Variants in FAT4 observed in about 807,000 individuals in gnomAD.
FAT4 encodes FAT atypical cadherin 4, also known as protocadherin Fat 4.
Under a neutral mutation model 303.9 loss-of-function variants are expected in FAT4, and 84 were observed. That is an observed-to-expected ratio of 0.28 (90% CI 0.23 to 0.33). FAT4 has a LOEUF of 0.33. FAT4 is among the 10% of genes least tolerant of loss of function. The probability of loss-of-function intolerance (pLI) is 1.00; values close to 1 mark genes in which losing one functional copy is unlikely to be tolerated. For synonymous variants in FAT4, 2,307 were observed against 2,298.8 expected (o/e 1.00, Z -0.10); for missense variants, 6,005 against 6,146.8 (o/e 0.98, Z 0.77).
chr4:125,465,051 GACAA>G (rs1726614631), intron 11 of FAT4, among the ~76,000 whole-genome samples: 1 of 152,040 alleles, frequency 6.6e-6, no homozygotes, highest in African/African-American at 2.4e-5. Flanking sequence ...GAATGATAAA[GACAA>G]ACAAAATAGA....
In FAT4 at chr4:125,320,206, T is replaced by G; in HGVS notation, c.3795T>G (p.Gly1265=). 1 of 1,613,760 alleles carries G rather than the reference T, an allele frequency of 6.2e-7. No individual in the cohort carries two copies. Among genetic ancestry groups the G allele is most frequent in the Admixed American group, 1.7e-5 (1 of 60,026 alleles). The change falls in exon 2 of 18, where the codon GGT becomes GGG. Residue 1265 remains glycine, a synonymous_variant. Transcript: ENST00000394329. ...ERQFAIDSTS[G]QVTLIGKLDY... ...AGTTTGCTATAGACAGTACCTCTGG[T>G]CAGGTAACACTAATTGGCAAATTAG...
intron 12 of FAT4, among the ~76,000 whole-genome samples, chr4:125,469,713 A>G (rs911360578): frequency 6.6e-6 from 1 of 152,184 alleles, no homozygotes; most frequent in Admixed American, 6.5e-5. Flanking sequence ...TTCAAATTCT[A>G]GTTCTCCCAC....
chr4:125,401,256 C>G (rs1412478699), intron 3 of FAT4, among the ~76,000 whole-genome samples: 1 of 151,998 alleles, frequency 6.6e-6, no homozygotes, highest in Admixed American at 6.6e-5. Flanking sequence ...AGTAGAATGG[C>G]TGCCTATGGC....
chr4:125,420,134 T>C (rs1439048104), intron 7 of FAT4, among the ~76,000 whole-genome samples: 2 of 152,208 alleles, frequency 1.3e-5, no homozygotes, highest in Admixed American at 1.3e-4. Context: ...GTTTGCCCTT[T>C]CCCTTTTCCC....
At chr4:125,481,213 A>G (rs1286430785) in intron 15 of FAT4, among the ~76,000 whole-genome samples, 1 of 152,208 alleles carries the variant, frequency 6.6e-6, no homozygotes, top group Non-Finnish European at 1.5e-5. Context: ...CATATTACCA[A>G]CAAGTGCCTG....
rs1357034003 is a variant in FAT4 at position 125,490,121 on chromosome 4, C to T, written c.13305C>T (p.His4435=). ...RCVPPGDCAS[H]PCQNGGSCEP... is the part of the protein sequence containing the mutation. ...TCCCTCCTGGGGACTGTGCCTCCCA[C>T]CCGTGCCAGAATGGTGGCAGCTGTG... Residue 4435 remains histidine (H), a synonymous_variant, in exon 18 of 18, where the codon CAC becomes CAT. Coordinates refer to ENST00000394329, the MANE Select transcript of FAT4 (RefSeq NM_001291303.3). The T allele has an allele frequency of 6.2e-7, 1 of 1,614,066 alleles. No individual in the cohort carries two copies. The highest frequency in any genetic ancestry group is 8.5e-7 in the Non-Finnish European group (1 of 1,180,010).
intron 8 of FAT4, among the ~76,000 whole-genome samples, chr4:125,443,540 G>A (rs954785708): frequency 1.3e-5 from 2 of 152,102 alleles, no homozygotes; most frequent in Non-Finnish European, 2.9e-5. Flanking sequence ...AACTACTTTA[G>A]TCTCTGTTAG....
chr4:125,377,073 T>C (rs1426424972), intron 2 of FAT4, among the ~76,000 whole-genome samples: 1 of 152,152 alleles, frequency 6.6e-6, no homozygotes, highest in African/African-American at 2.4e-5. Flanking sequence ...TTTGTGTTTT[T>C]CTTCTTCTAA....
intron 6 of FAT4, 46 bp from the exon 7 acceptor site, chr4:125,416,402 A>G: frequency 6.8e-7 from 1 of 1,479,978 alleles, no homozygotes; most frequent in Non-Finnish European, 9.1e-7. Context: ...ATTTCATGAG[A>G]TGCATTGTTT....
chr4:125,425,276 T>A lies in FAT4; in HGVS notation c.7018+8654T>A, dbSNP rs1339213861. Among the ~76,000 whole-genome samples the A allele has an allele frequency of 2.6e-5, 4 of 152,242 alleles. No individual in the cohort carries two copies. In the South Asian group the frequency reaches 8.3e-4, roughly 32 times the overall value. On this transcript the variant is annotated intron_variant, in intron 7 of 17. Transcript: ENST00000394329. ...ATTTGTGTTATAAAAACTAAACAAC[T>A]TGTACTGCCCATTCAGCTGTTTGTC... is the stretch of plus-strand genomic sequence containing the variant.
At chr4:125,380,485 T>A (rs1023079051) in intron 2 of FAT4, among the ~76,000 whole-genome samples, 2 of 152,190 alleles carry the variant, frequency 1.3e-5, no homozygotes, top group African/African-American at 4.8e-5. Flanking sequence ...CATACAATAT[T>A]AAAAACCGTC....
chr4:125,473,882 A>G (rs1215538415), intron 12 of FAT4, among the ~76,000 whole-genome samples: 2 of 152,038 alleles, frequency 1.3e-5, no homozygotes, highest in Non-Finnish European at 2.9e-5. Flanking sequence ...GTCATAGGAA[A>G]AATGTCTTCC....
At chr4:125,453,954 ATTAG>A (rs912438617) in intron 10 of FAT4, among the ~76,000 whole-genome samples, 10 of 152,170 alleles carry the variant, frequency 6.6e-5, no homozygotes, top group African/African-American at 2.2e-4. Flanking sequence ...CAACCTATCT[ATTAG>A]TTAATCAGTG....
chr4:125,359,300 G>T (rs1732557437), intron 2 of FAT4, among the ~76,000 whole-genome samples: 1 of 152,114 alleles, frequency 6.6e-6, no homozygotes, highest in African/African-American at 2.4e-5. Flanking sequence ...CTGGAATTAG[G>T]TGGTTAAGTA....
intron 17 of FAT4, among the ~76,000 whole-genome samples, chr4:125,489,329 T>C (rs1163402644): frequency 6.6e-6 from 1 of 152,184 alleles, no homozygotes; most frequent in African/African-American, 2.4e-5. Flanking sequence ...CATCCCCAAG[T>C]CATAAAATGT....
At chr4:125,384,839 A>G (rs1011103530) in intron 2 of FAT4, among the ~76,000 whole-genome samples, 2 of 151,908 alleles carry the variant, frequency 1.3e-5, no homozygotes, top group Admixed American at 1.3e-4. Flanking sequence ...AGCTCTAGTA[A>G]GATATCAATG....
At chr4:125,446,271 C>A in intron 8 of FAT4, 22 bp from the exon 9 acceptor site, 1 of 1,603,008 alleles carries the variant, frequency 6.2e-7, no homozygotes, top group South Asian at 1.1e-5. Context: ...TGACATATCC[C>A]TATTTCTGCT....
chr4:125,403,217 T>C (rs1734456945), intron 3 of FAT4, among the ~76,000 whole-genome samples: 2 of 152,106 alleles, frequency 1.3e-5, no homozygotes, highest in Admixed American at 6.6e-5. Flanking sequence ...ACAATCCTTT[T>C]TGGCAGGTAA....
rs1190273456 is a variant in FAT4 at position 125,451,318 on chromosome 4, C to T, written c.10308C>T (p.Ile3436=). Residue 3436 remains isoleucine (I), a synonymous_variant, in exon 10 of 18, where the codon ATC becomes ATT. Coordinates refer to ENST00000394329, the MANE Select transcript of FAT4 (RefSeq NM_001291303.3). ...TCAGTGCCTTTGACTCAGACTCCAT[C>T]CCCAGCTGGAGCAGGTTTTCTTACT... is the stretch of plus-strand genomic sequence containing the variant. ...TFVSAFDSDS[I]PSWSRFSYFI... is the part of the protein sequence containing the mutation. 6 of 1,613,998 alleles carry T rather than the reference C, an allele frequency of 3.7e-6. No homozygotes were observed. In the Admixed American group the frequency reaches 1.0e-4, roughly 27 times the overall value.
Sources: gnomAD v4.1 joint callset for allele counts (sites outside exome capture counted in the v4.1 genomes callset) on GRCh38, gnomAD v4.1.1 for gene constraint, MANE v1.5 for transcripts, NCBI Gene and HGNC (gene_info 2026-07-23, HGNC 2026-07-21) for gene names.